Variants in RAPGEF6 observed in about 807,000 individuals in gnomAD.
RAPGEF6 encodes the protein PDZ domain containing guanine nucleotide exchange factor (GEF) 2.
A neutral mutation model predicts 171.4 loss-of-function variants in RAPGEF6; 56 were observed. That is an observed-to-expected ratio of 0.33 (90% CI 0.26 to 0.41). The LOEUF is 0.41. RAPGEF6 is among the 10% of genes least tolerant of loss of function. RAPGEF6 has a pLI of 1.00. For missense variants in RAPGEF6, 1,674 were observed against 1,921.4 expected (o/e 0.87, Z 2.41); for synonymous variants, 692 against 650.1 (o/e 1.06, Z -0.98).
Position 131,498,520 on chromosome 5 carries a change from T to G in RAPGEF6, c.1342A>C (p.Arg448=), listed in dbSNP as rs1756788751. 3.1e-6 allele frequency: 5 copies of G among 1,613,742 alleles called. No individual in the cohort carries two copies. Among genetic ancestry groups the G allele is most frequent in the Non-Finnish European group, 3.4e-6 (4 of 1,179,918 alleles). ...TYIEDFLLTY[R]TFLESPLDVG... Reference sequence around the variant, plus strand: ...TCCAAAGGACTTTCAAGAAATGTCCTGTAAGTTAATAGAAAATCTTCTATA... The same window carrying G: ...TCCAAAGGACTTTCAAGAAATGTCCGGTAAGTTAATAGAAAATCTTCTATA... Residue 448 remains arginine, a synonymous_variant, in exon 12 of 28, where the codon AGG becomes CGG. Transcript: ENST00000509018.
chr5:131,603,371 T>C (rs1764367107), intron 2 of RAPGEF6, 44 bp from the exon 3 acceptor site: 2 of 1,308,194 alleles, frequency 1.5e-6, no homozygotes, highest in Non-Finnish European at 2.1e-6. Context: ...CATTTTGTTT[T>C]TAAAATTGTT....
intron 23 of RAPGEF6, chr5:131,440,032 T>C (rs1331122778): frequency 7.5e-6 from 3 of 399,970 alleles, no homozygotes; most frequent in Non-Finnish European, 1.4e-5. Flanking sequence ...TGATTTGAAA[T>C]CTTCAAAAAG....
At chr5:131,434,676 A>G (rs1206826483) in intron 24 of RAPGEF6, among the ~76,000 whole-genome samples, 1 of 152,210 alleles carries the variant, frequency 6.6e-6, no homozygotes, top group Non-Finnish European at 1.5e-5. Flanking sequence ...AACAGCATCT[A>G]CATGTTCTAT....
At chr5:131,631,168 T>C (rs1166868585) in intron 1 of RAPGEF6, among the ~76,000 whole-genome samples, 1 of 152,234 alleles carries the variant, frequency 6.6e-6, no homozygotes, top group Non-Finnish European at 1.5e-5. Flanking sequence ...ACTTTCAATA[T>C]CTATAAACTG....
At chr5:131,621,124 C>T (rs901685106) in intron 1 of RAPGEF6, among the ~76,000 whole-genome samples, 2 of 152,184 alleles carry the variant, frequency 1.3e-5, no homozygotes, top group Non-Finnish European at 2.9e-5. Flanking sequence ...AAGAAACACA[C>T]CTTCCCTTCT....
chr5:131,552,724 G>A (rs983259344), intron 5 of RAPGEF6, among the ~76,000 whole-genome samples: 3 of 152,104 alleles, frequency 2.0e-5, no homozygotes, highest in African/African-American at 7.2e-5. Flanking sequence ...GCCTCTCAAA[G>A]TGCTCACATT....
At chr5:131,482,607 C>T (rs1361506320) in intron 15 of RAPGEF6, among the ~76,000 whole-genome samples, 1 of 152,144 alleles carries the variant, frequency 6.6e-6, no homozygotes, top group African/African-American at 2.4e-5. Flanking sequence ...CTGGCCAATA[C>T]TTTTTAAATC....
At chr5:131,587,868 T>G (rs1187795418) in intron 4 of RAPGEF6, among the ~76,000 whole-genome samples, 4 of 152,188 alleles carry the variant, frequency 2.6e-5, no homozygotes, top group African/African-American at 9.6e-5. Flanking sequence ...AAGGAAGGAA[T>G]GCTACATAGG....
chr5:131,611,102 C>CTT, intron 1 of RAPGEF6, among the ~76,000 whole-genome samples: 1 of 152,330 alleles, frequency 6.6e-6, no homozygotes, highest in Non-Finnish European at 1.5e-5. Context: ...ACCACTGTTA[C>CTT]AGTGCAGTCT....
intron 6 of RAPGEF6, among the ~76,000 whole-genome samples, chr5:131,522,352 T>C (rs1028868138): frequency 3.3e-5 from 5 of 152,186 alleles, no homozygotes; most frequent in African/African-American, 7.2e-5. Flanking sequence ...ATAAGAAGTA[T>C]GCTAATTTAT....
At chr5:131,428,314 G>A (rs1240094852) in intron 27 of RAPGEF6, among the ~76,000 whole-genome samples, 4 of 152,172 alleles carry the variant, frequency 2.6e-5, no homozygotes, top group African/African-American at 4.8e-5. Context: ...TTGGGAGGCT[G>A]AGTTGGGAGG....
At chr5:131,595,276 TTC>T (rs1232960898) in intron 3 of RAPGEF6, among the ~76,000 whole-genome samples, 2 of 103,700 alleles carry the variant, frequency 1.9e-5, no homozygotes, top group Non-Finnish European at 3.9e-5. Context: ...CCCCATCGCA[TTC>T]TCTCTCTGTC....
chr5:131,445,507 G>GTGTGTGTGTGTGTGTGTGTGTGTGTGTA (rs1337266421), intron 22 of RAPGEF6, among the ~76,000 whole-genome samples: 2 of 151,990 alleles, frequency 1.3e-5, no homozygotes, highest in African/African-American at 4.8e-5. Context: ...GTGTGTGTGT[G>GTGTGTGTGTGTGTGTGTGTGTGTGTGTA]TGTGTGTGTG....
intron 4 of RAPGEF6, among the ~76,000 whole-genome samples, chr5:131,580,982 T>C (rs537182399): frequency 8.5e-5 from 13 of 152,326 alleles, no homozygotes; most frequent in African/African-American, 3.1e-4. Context: ...CCTTTACTTG[T>C]GGATCTAGGA....
rs1756799011 is a variant in RAPGEF6 at position 131,498,601 on chromosome 5, G to A, written c.1261C>T (p.Pro421Ser). 5.0e-6 allele frequency: 8 copies of A among 1,612,504 alleles called. No individual in the cohort carries two copies. The highest frequency in any genetic ancestry group is 6.8e-6 in the Non-Finnish European group (8 of 1,179,492). The change falls in exon 12 of 28, where the codon CCT becomes TCT. Residue 421 changes from proline (P) to serine (S), a missense_variant. Pro to Ser is a moderately conservative substitution (Grantham distance 74, BLOSUM62 -1). Transcript: ENST00000509018. ...ATTAAATGCATTATGAGACGCTCAGGTGTTGCCTAAAAATCCAAGGATAGG... is the reference window on the plus strand; with the variant it reads ...ATTAAATGCATTATGAGACGCTCAGATGTTGCCTAAAAATCCAAGGATAGG... ...RKGHIVIKAT[P>S]ERLIMHLIEE...
chr5:131,437,296 C>A (rs1752070886), intron 24 of RAPGEF6, among the ~76,000 whole-genome samples: 1 of 152,206 alleles, frequency 6.6e-6, no homozygotes, highest in African/African-American at 2.4e-5. Flanking sequence ...AAATACTTCT[C>A]TATTCGAGTG....
intron 4 of RAPGEF6, among the ~76,000 whole-genome samples, chr5:131,573,903 A>C (rs1423040836): frequency 6.6e-6 from 1 of 152,142 alleles, no homozygotes; most frequent in East Asian, 1.9e-4. Context: ...ATTAGGAAAA[A>C]ATTCCAAAAG....
chr5:131,549,888 C>T (rs945268904), intron 5 of RAPGEF6, among the ~76,000 whole-genome samples: 1 of 152,074 alleles, frequency 6.6e-6, no homozygotes, highest in Admixed American at 6.5e-5. Context: ...CACCAAAATG[C>T]CCCAGTGTGT....
intron 11 of RAPGEF6, among the ~76,000 whole-genome samples, chr5:131,501,440 A>C (rs973413824): frequency 9.9e-5 from 15 of 152,098 alleles, no homozygotes; most frequent in African/African-American, 3.6e-4. Flanking sequence ...TAAAAATAAC[A>C]TATTTTCAAT....
Sources: gnomAD v4.1 joint callset for allele counts (sites outside exome capture counted in the v4.1 genomes callset) on GRCh38, gnomAD v4.1.1 for gene constraint, MANE v1.5 for transcripts, NCBI Gene and HGNC (gene_info 2026-07-23, HGNC 2026-07-21) for gene names.